Variants in LPIN1 observed in about 807,000 individuals in gnomAD.
The protein encoded by LPIN1 is lipin 1, also known as phosphatidate phosphatase LPIN1.
A neutral mutation model predicts 107.5 loss-of-function variants in LPIN1; 71 were observed. The ratio of observed to expected loss-of-function variants is 0.66; its 90% CI spans 0.55 to 0.80. The LOEUF (loss-of-function observed/expected upper bound fraction) is 0.80. LPIN1 is among the 30% of genes least tolerant of loss of function. The pLI is 0.00. For missense variants in LPIN1, 1,043 were observed against 1,160.6 expected (o/e 0.90, Z 1.47); for synonymous variants, 445 against 452.6 (o/e 0.98, Z 0.21).
chr2:11,820,881 T>A (rs1399097588), intron 20 of LPIN1, among the ~76,000 whole-genome samples: 1 of 152,262 alleles, frequency 6.6e-6, no homozygotes, highest in East Asian at 1.9e-4. Flanking sequence ...GATGAGGAAC[T>A]GTATATCTCT....
chr2:11,820,260 C>T lies in LPIN1; in HGVS notation c.2518-151C>T, dbSNP rs1014302156. 6 of 638,642 alleles carry T rather than the reference C, an allele frequency of 9.4e-6. No homozygotes were observed. In the Admixed American group the frequency reaches 1.4e-4, roughly 15 times the overall value. 39.6% of individuals were successfully genotyped at this position (638,642 alleles called of 1,614,324 possible). Reference sequence around the variant, plus strand: ...AGAGCAAAACTAATTGAATAGTTTCCCATCAAAGGATATTCTTTCACTGCA... The same window carrying T: ...AGAGCAAAACTAATTGAATAGTTTCTCATCAAAGGATATTCTTTCACTGCA... On this transcript the variant is annotated intron_variant, in intron 19 of 20. Coordinates refer to ENST00000674199, the MANE Select transcript of LPIN1 (RefSeq NM_001349206.2).
At position 11,786,118 on chromosome 2, in the gene LPIN1, T is replaced by C. The variant is rs1167797976; in HGVS notation, c.1550-956T>C. Among the ~76,000 whole-genome samples, 7 of 152,046 alleles carry C rather than the reference T, an allele frequency of 4.6e-5. No individual in the cohort carries two copies. The highest frequency in any genetic ancestry group is 1.5e-5 in the Non-Finnish European group (1 of 67,998). On this transcript the variant is annotated intron_variant, in intron 10 of 20. Transcript: ENST00000674199. This position sits in a 1 kb window ranked among gnomAD's most constrained non-coding sequence, Gnocchi z 4.1. Reference sequence around the variant, plus strand: ...GCACCGTTATCTGAGTGTTATCTCATGGGGCCAGGATCTGCAGCTGTCCAG... The same window carrying C: ...GCACCGTTATCTGAGTGTTATCTCACGGGGCCAGGATCTGCAGCTGTCCAG...
chr2:11,821,073 A>G (rs1182252776), intron 20 of LPIN1, among the ~76,000 whole-genome samples: 2 of 152,112 alleles, frequency 1.3e-5, no homozygotes, highest in African/African-American at 4.8e-5. Context: ...TCGGGTTCCT[A>G]ACTTATTAGG....
chr2:11,760,145 C>T (rs968470080), intron 1 of LPIN1, among the ~76,000 whole-genome samples: 1 of 152,118 alleles, frequency 6.6e-6, no homozygotes, highest in Non-Finnish European at 1.5e-5. Flanking sequence ...AGATGCTCCT[C>T]ACTTCCTAGA....
chr2:11,810,249 A>G (rs984574193), intron 17 of LPIN1, among the ~76,000 whole-genome samples: 1 of 152,218 alleles, frequency 6.6e-6, no homozygotes, highest in African/African-American at 2.4e-5. Context: ...TTTGTTGGAC[A>G]TACATCAGGA....
rs566001907 is a variant in LPIN1, at chr2:11,782,851, C to T, written c.1264+344C>T. 5.3e-5 allele frequency among the ~76,000 whole-genome samples: 8 copies of T among 152,316 alleles called. No homozygotes were observed. The South Asian group carries it at 1.7e-3, about 32-fold the overall frequency. On this transcript the variant is annotated intron_variant, in intron 8 of 20. Transcript: ENST00000674199. The stretch of plus-strand genomic sequence containing the variant: ...TTAGGTTAATCCTGGCCACCTCTCT[C>T]CTTGCCCTGCGTTGCTTTCCAGCCC...
chr2:11,809,903 C>T (rs1322562403), intron 17 of LPIN1, among the ~76,000 whole-genome samples: 1 of 152,178 alleles, frequency 6.6e-6, no homozygotes, highest in Non-Finnish European at 1.5e-5. Context: ...CACCCTGGGC[C>T]CTGGGACCGA....
intron 1 of LPIN1, among the ~76,000 whole-genome samples, chr2:11,698,881 G>A (rs563416167): frequency 6.6e-6 from 1 of 152,334 alleles, no homozygotes; most frequent in South Asian, 2.1e-4. Flanking sequence ...CTCACACCCT[G>A]CCTGTAGAAC....
At chr2:11,692,080 C>G (rs574081175) in intron 1 of LPIN1, among the ~76,000 whole-genome samples, 2 of 152,354 alleles carry the variant, frequency 1.3e-5, no homozygotes, top group Non-Finnish European at 2.9e-5. Flanking sequence ...CTAACCCTAA[C>G]CCTTGTTTTC....
intron 1 of LPIN1, among the ~76,000 whole-genome samples, chr2:11,748,272 C>T (rs1667264851): frequency 6.6e-6 from 1 of 152,200 alleles, no homozygotes; most frequent in South Asian, 2.1e-4. Flanking sequence ...GAACAGACGG[C>T]AGGGGAGGGT....
At chr2:11,738,241 G>A (rs924077987) in intron 1 of LPIN1, among the ~76,000 whole-genome samples, 2 of 151,994 alleles carry the variant, frequency 1.3e-5, no homozygotes, top group Non-Finnish European at 2.9e-5. Flanking sequence ...GTTGGGGAGT[G>A]GGGGGCTAGG....
intron 1 of LPIN1, among the ~76,000 whole-genome samples, chr2:11,730,575 C>T (rs79536058): frequency 0.016 from 2,385 of 152,234 alleles, 75 homozygotes; most frequent in African/African-American, 0.055. Context: ...ATAATTTTCT[C>T]TTGAAAGCTG....
chr2:11,766,262 G>A lies in LPIN1; in HGVS notation c.192+529G>A, dbSNP rs144026284. 3.2e-4 allele frequency among the ~76,000 whole-genome samples: 49 copies of A among 152,278 alleles called. No homozygotes were observed. In the East Asian group the frequency reaches 7.7e-3, roughly 24 times the overall value. ...GGCCTAGCCTTGCAAGCCACATGGC[G>A]TCACGTCTGCTGTGCTCTACTGGTT... On this transcript the variant is annotated intron_variant, in intron 2 of 20. Coordinates refer to ENST00000674199, the MANE Select transcript of LPIN1 (RefSeq NM_001349206.2).
At chr2:11,767,633 G>A in intron 2 of LPIN1, 130 bp from the exon 3 acceptor site, 2 of 723,914 alleles carry the variant, frequency 2.8e-6, no homozygotes. Flanking sequence ...GCCTGACTGA[G>A]ACTGGGAGTT....
rs1277764833 is a variant in LPIN1, at chr2:11,804,527, G to T, written c.2118G>T (p.Trp706Cys). The T allele has an allele frequency of 1.2e-6, 2 of 1,614,172 alleles. No individual in the cohort carries two copies. The highest frequency in any genetic ancestry group is 8.5e-7 in the Non-Finnish European group (1 of 1,180,028). Residue 706 changes from tryptophan (W) to cysteine (C), a missense_variant, in exon 16 of 21, where the codon TGG (tryptophan) becomes TGT (cysteine). Coordinates refer to ENST00000674199, the MANE Select transcript of LPIN1 (RefSeq NM_001349206.2). ...RCEGTIYLWNWDDKVIISDID... is the reference protein window; with the variant it reads ...RCEGTIYLWNCDDKVIISDID... ...AGGGCACCATCTATCTGTGGAACTG[G>T]GATGATAAAGTCATCATTTCTGATA...
chr2:11,741,759 C>G (rs975729422), upstream of LPIN1, among the ~76,000 whole-genome samples: 3 of 150,090 alleles, frequency 2.0e-5, no homozygotes, highest in Admixed American at 1.3e-4. Context: ...TGCAGTAAGC[C>G]GAGATCGTGC....
chr2:11,773,270 C>T (rs1030345825), intron 4 of LPIN1, among the ~76,000 whole-genome samples: 8 of 152,134 alleles, frequency 5.3e-5, no homozygotes, highest in Non-Finnish European at 1.0e-4. Context: ...GCCCTGGGGC[C>T]GGTTTGGGGC....
chr2:11,752,110 G>T (rs1310754237), intron 1 of LPIN1, among the ~76,000 whole-genome samples: 8 of 151,942 alleles, frequency 5.3e-5, no homozygotes, highest in Admixed American at 4.6e-4. Context: ...TTTTGTACAC[G>T]GATCTTACTG....
In LPIN1 at chr2:11,781,364, A is replaced by C. The variant is rs565982204; in HGVS notation, c.958-837A>C. On this transcript the variant is annotated intron_variant, in intron 7 of 20. Transcript: ENST00000674199. Reference sequence around the variant, plus strand: ...AACAGCATGGAAGTGCAAATCCATCACTTCTTCTGGCAAAATAGTTGTAAC... The same window carrying C: ...AACAGCATGGAAGTGCAAATCCATCCCTTCTTCTGGCAAAATAGTTGTAAC... Among the ~76,000 whole-genome samples the C allele has an allele frequency of 8.7e-4, 133 of 152,370 alleles. 4 individuals are homozygous for C. The South Asian group carries it at 0.025, about 29-fold the overall frequency.
Sources: gnomAD v4.1 joint callset for allele counts (sites outside exome capture counted in the v4.1 genomes callset) on GRCh38, gnomAD v4.1.1 for gene constraint, Gnocchi (gnomAD v3.1) non-coding constraint, MANE v1.5 for transcripts, NCBI Gene and HGNC (gene_info 2026-07-23, HGNC 2026-07-21) for gene names.